Variants in ZSCAN25 observed in about 807,000 individuals in gnomAD.
ZSCAN25 encodes the protein zinc finger and SCAN domain-containing protein 25.
ZSCAN25 carries 27 observed loss-of-function variants against 38.7 expected under a neutral mutation model. The ratio of observed to expected loss-of-function variants is 0.70; its 90% CI spans 0.51 to 0.96. The LOEUF (loss-of-function observed/expected upper bound fraction) is 0.96. Among genes scored for constraint, ZSCAN25 ranks in the 40% least tolerant of loss-of-function variants. The probability of loss-of-function intolerance (pLI) is 0.00; values close to 1 mark genes in which losing one functional copy is unlikely to be tolerated. For missense variants in ZSCAN25, 637 were observed against 705.9 expected, an observed-to-expected ratio of 0.90 and a Z score of 1.11; for synonymous variants, 273 against 277.7, an observed-to-expected ratio of 0.98 and a Z score of 0.17.
the ZSCAN25 span, among the ~76,000 whole-genome samples, chr7:99,731,425 A>C: frequency 1.3e-5 from 2 of 152,238 alleles, no homozygotes; most frequent in African/African-American, 4.8e-5. Flanking sequence ...AAATGTTCTC[A>C]AATGTGAATG....
chr7:99,663,650 A>G, the ZSCAN25 span: 1 of 1,017,390 alleles, frequency 9.8e-7, no homozygotes, highest in South Asian at 4.3e-5. Context: ...TACCAGTAAA[A>G]TATATTTTCA....
chr7:99,726,435 A>G, the ZSCAN25 span, among the ~76,000 whole-genome samples: 1 of 152,066 alleles, frequency 6.6e-6, no homozygotes, highest in African/African-American at 2.4e-5. Flanking sequence ...TTGTTTTCCT[A>G]TCCACCCTGT....
At position 99,629,015 on chromosome 7, in the gene ZSCAN25, A is replaced by G. The variant is rs1562970188; in HGVS notation, c.806-176A>G. ...ACTGGAATTTGGCAGACTATTCTGT[A>G]AAAAGACATGGAGGTGGAAATAAGG... On this transcript the variant is annotated intron_variant, in intron 7 of 7. Coordinates refer to ENST00000394152, the MANE Select transcript of ZSCAN25 (RefSeq NM_145115.3). This position sits in a 1 kb window ranked among gnomAD's most constrained non-coding sequence, Gnocchi z 5.6. Among the ~76,000 whole-genome samples the G allele has an allele frequency of 6.6e-6, 1 of 152,186 alleles. No individual in the cohort carries two copies. The highest frequency in any genetic ancestry group is 2.4e-5 in the African/African-American group (1 of 41,440).
chr7:99,662,562 G>A, the ZSCAN25 span, among the ~76,000 whole-genome samples: 1 of 152,152 alleles, frequency 6.6e-6, no homozygotes, highest in Non-Finnish European at 1.5e-5. The surrounding 1 kb of genome is among the most constrained non-coding windows in gnomAD (Gnocchi z 4.3). Context: ...ATCTCATGTA[G>A]GTGATCCACA....
Position 99,631,346 on chromosome 7 carries a change from T to G in ZSCAN25, c.*1326T>G. 2.0e-6 allele frequency: 2 copies of G among 984,636 alleles called. No individual in the cohort carries two copies. The highest frequency in any genetic ancestry group is 2.4e-6 in the Non-Finnish European group (2 of 829,758). 61.0% of individuals were successfully genotyped at this position (984,636 alleles called of 1,614,324 possible). On this transcript the variant is annotated 3_prime_UTR_variant, in exon 8 of 8. Transcript: ENST00000394152. ...AAGTCAGGAAAAATAAAGATATTTG[T>G]AGGCATTAAAAAAAAATACATTTCT...
chr7:99,731,004 C>G, the ZSCAN25 span: 1 of 1,602,090 alleles, frequency 6.2e-7, no homozygotes, highest in Non-Finnish European at 8.5e-7. Context: ...ACTGATGGAA[C>G]TAAGTTGCTC....
the ZSCAN25 span, among the ~76,000 whole-genome samples, chr7:99,674,851 T>A: frequency 6.6e-6 from 1 of 152,232 alleles, no homozygotes; most frequent in Non-Finnish European, 1.5e-5. Flanking sequence ...ATTCCTTGTC[T>A]TTCTGATGTA....
At chr7:99,633,338 T>G (rs574588776), downstream of ZSCAN25, among the ~76,000 whole-genome samples, 3 of 152,330 alleles carry the variant, frequency 2.0e-5, no homozygotes, top group South Asian at 6.2e-4. Flanking sequence ...AGCCTAGATC[T>G]GCTTCTTTCG....
the ZSCAN25 span, among the ~76,000 whole-genome samples, chr7:99,725,953 A>G: frequency 1.4e-4 from 22 of 152,122 alleles, no homozygotes; most frequent in African/African-American, 5.3e-4. Context: ...AAACTCCCCA[A>G]CTTTGGTGCC....
chr7:99,691,627 T>C, the ZSCAN25 span, among the ~76,000 whole-genome samples: 3 of 152,230 alleles, frequency 2.0e-5, no homozygotes, highest in African/African-American at 4.8e-5. Context: ...CTTGTTGAAT[T>C]GATCCCTTTA....
the ZSCAN25 span, chr7:99,665,223 C>T: frequency 6.2e-7 from 1 of 1,614,124 alleles, no homozygotes; most frequent in South Asian, 1.1e-5. Flanking sequence ...TTAGTGCTCT[C>T]CACAAAGGGG....
intron 7 of ZSCAN25, among the ~76,000 whole-genome samples, chr7:99,626,028 A>G (rs1198539853): frequency 6.6e-6 from 1 of 152,238 alleles, no homozygotes; most frequent in Non-Finnish European, 1.5e-5. Flanking sequence ...TGCACAGGGC[A>G]GGGTTGAGCT....
chr7:99,703,018 A>T, the ZSCAN25 span, among the ~76,000 whole-genome samples: 1 of 152,004 alleles, frequency 6.6e-6, no homozygotes, highest in Non-Finnish European at 1.5e-5. Context: ...TGTAAATGGG[A>T]TTACTTTTTT....
the ZSCAN25 span, chr7:99,650,269 CAT>C: frequency 3.1e-5 from 50 of 1,594,138 alleles, no homozygotes; most frequent in Middle Eastern, 6.7e-4. Context: ...GTTAATGAAA[CAT>C]AAAAACCACA....
At chr7:99,718,579 A>T in the ZSCAN25 span, among the ~76,000 whole-genome samples, 1 of 152,184 alleles carries the variant, frequency 6.6e-6, no homozygotes, top group Non-Finnish European at 1.5e-5. Flanking sequence ...ACTTCATCTA[A>T]ATCATTCTTG....
the ZSCAN25 span, among the ~76,000 whole-genome samples, chr7:99,648,750 T>C: frequency 6.6e-6 from 1 of 152,130 alleles, no homozygotes; most frequent in Non-Finnish European, 1.5e-5. Context: ...GCAAACTATT[T>C]TGGAAGTGCT....
the ZSCAN25 span, chr7:99,684,930 G>A: frequency 2.5e-6 from 1 of 400,728 alleles, no homozygotes; most frequent in African/African-American, 2.0e-5. Flanking sequence ...CCCAAGCACT[G>A]ATTTGGTCAC....
At chr7:99,734,007 C>A in the ZSCAN25 span, among the ~76,000 whole-genome samples, 1 of 152,144 alleles carries the variant, frequency 6.6e-6, no homozygotes, top group Non-Finnish European at 1.5e-5. Context: ...CATTTATTGT[C>A]ACAAATACTG....
the ZSCAN25 span, among the ~76,000 whole-genome samples, chr7:99,656,870 G>T: frequency 6.6e-6 from 1 of 152,186 alleles, no homozygotes; most frequent in Non-Finnish European, 1.5e-5. Context: ...TATTTGCATA[G>T]AGGTGTTTAT....
Sources: allele counts gnomAD v4.1 joint callset (sites outside exome capture counted in the v4.1 genomes callset), GRCh38; gene constraint gnomAD v4.1.1; non-coding constraint Gnocchi (gnomAD v3.1); transcripts MANE v1.5; gene names NCBI Gene and HGNC (gene_info 2026-07-23, HGNC 2026-07-21).